Variants in TENM3 observed in about 807,000 individuals in gnomAD.
The protein encoded by TENM3 is teneurin-3.
A neutral mutation model predicts 255.1 loss-of-function variants in TENM3; 63 were observed. The ratio of observed to expected loss-of-function variants is 0.25; its 90% CI spans 0.20 to 0.30. The LOEUF (loss-of-function observed/expected upper bound fraction) is 0.30. Among genes scored for constraint, TENM3 ranks in the 10% least tolerant of loss-of-function variants. The probability of loss-of-function intolerance (pLI) is 1.00; values close to 1 mark genes in which losing one functional copy is unlikely to be tolerated. For missense variants in TENM3, 2,929 were observed against 3,461.1 expected (o/e 0.85, Z 3.86); for synonymous variants, 1,306 against 1,322.3 (o/e 0.99, Z 0.27).
the TENM3 span, among the ~76,000 whole-genome samples, chr4:181,641,576 A>ATATATG: frequency 1.2e-5 from 1 of 81,584 alleles, no homozygotes; most frequent in South Asian, 4.4e-4. Context: ...ATATATATAT[A>ATATATG]TATATATATA....
the TENM3 span, among the ~76,000 whole-genome samples, chr4:181,773,043 C>T: frequency 6.6e-6 from 1 of 152,172 alleles, no homozygotes; most frequent in Non-Finnish European, 1.5e-5. Flanking sequence ...TCTCTGAGTT[C>T]ATTTCCCTTG....
chr4:182,795,845 TAATA>T (rs1345236989), intron 26 of TENM3, among the ~76,000 whole-genome samples: 1 of 152,168 alleles, frequency 6.6e-6, no homozygotes, highest in Non-Finnish European at 1.5e-5. Flanking sequence ...GCAATGTGCT[TAATA>T]TATAAAATAA....
intron 6 of TENM3, among the ~76,000 whole-genome samples, chr4:182,663,240 G>A (rs926798618): frequency 2.0e-5 from 3 of 151,952 alleles, no homozygotes; most frequent in African/African-American, 7.3e-5. Flanking sequence ...TAGATCAGTG[G>A]GCTTCAAACT....
chr4:181,538,632 C>T, the TENM3 span, among the ~76,000 whole-genome samples: 1 of 152,126 alleles, frequency 6.6e-6, no homozygotes, highest in South Asian at 2.1e-4. Flanking sequence ...GTGTCCAGAA[C>T]TCCAGGAAGA....
intron 6 of TENM3, among the ~76,000 whole-genome samples, chr4:182,656,210 G>A (rs1176655341): frequency 2.0e-5 from 3 of 152,192 alleles, no homozygotes; most frequent in African/African-American, 4.8e-5. Flanking sequence ...AAGTGCACTA[G>A]AGAACTGCCA....
chr4:181,605,633 C>A, the TENM3 span, among the ~76,000 whole-genome samples: 1 of 151,102 alleles, frequency 6.6e-6, no homozygotes, highest in Non-Finnish European at 1.5e-5. Flanking sequence ...AACAAGCAAA[C>A]CAGCACCACA....
chr4:181,502,753 G>A, the TENM3 span, among the ~76,000 whole-genome samples: 2 of 152,086 alleles, frequency 1.3e-5, no homozygotes, highest in African/African-American at 2.4e-5. Context: ...GTCCCTGCTG[G>A]GGAGCAGTTA....
chr4:182,133,792 GAC>G, the TENM3 span, among the ~76,000 whole-genome samples: 2 of 152,142 alleles, frequency 1.3e-5, no homozygotes, highest in Non-Finnish European at 2.9e-5. Flanking sequence ...ATAATTCAAT[GAC>G]AGTTTTTTGC....
intron 3 of TENM3, among the ~76,000 whole-genome samples, chr4:182,475,945 C>T (rs1046817684): frequency 6.6e-6 from 1 of 152,208 alleles, no homozygotes; most frequent in Non-Finnish European, 1.5e-5. Context: ...GTTCCAGTCT[C>T]TCTCGTACAT....
the TENM3 span, among the ~76,000 whole-genome samples, chr4:181,459,049 T>A: frequency 6.6e-6 from 1 of 151,858 alleles, no homozygotes; most frequent in Non-Finnish European, 1.5e-5. Context: ...TGCGCCACAT[T>A]TTCACAAAAA....
intron 3 of TENM3, among the ~76,000 whole-genome samples, chr4:182,436,843 C>A (rs911159135): frequency 3.3e-5 from 5 of 152,010 alleles, no homozygotes; most frequent in Non-Finnish European, 5.9e-5. Context: ...CATGGTGAAA[C>A]CCCATCTCTA....
chr4:181,489,356 T>C, the TENM3 span, among the ~76,000 whole-genome samples: 1 of 152,214 alleles, frequency 6.6e-6, no homozygotes, highest in Non-Finnish European at 1.5e-5. Context: ...GATTGGACTT[T>C]TAAAAGTACG....
At position 182,710,808 on chromosome 4, in the gene TENM3, C is replaced by A. The variant is rs1758694340; in HGVS notation, c.2222-3279C>A. Among the ~76,000 whole-genome samples the A allele has an allele frequency of 1.3e-5, 2 of 152,196 alleles. 1 individual carries two copies. The highest frequency in any genetic ancestry group is 4.1e-4 in the South Asian group (2 of 4,834). On this transcript the variant is annotated intron_variant, in intron 12 of 27. Transcript: ENST00000511685. Reference sequence around the variant, plus strand: ...TGAGGCTGATTAAGATTTATTAGGTCTCCACATTGAAGGAGGCATTTATGT... The same window carrying A: ...TGAGGCTGATTAAGATTTATTAGGTATCCACATTGAAGGAGGCATTTATGT...
intron 1 of TENM3, among the ~76,000 whole-genome samples, chr4:182,287,031 A>T (rs942373917): frequency 1.3e-5 from 2 of 152,188 alleles, no homozygotes; most frequent in Non-Finnish European, 2.9e-5. Context: ...GTTCAAGACC[A>T]GCCTGAGTAA....
chr4:182,258,447 C>T (rs1335190063), intron 1 of TENM3, among the ~76,000 whole-genome samples: 3 of 152,278 alleles, frequency 2.0e-5, no homozygotes, highest in South Asian at 2.1e-4. Context: ...TACATACAAA[C>T]GCTCATTGCA....
chr4:182,182,268 C>T (rs1475153875), intron 1 of TENM3, among the ~76,000 whole-genome samples: 3 of 152,110 alleles, frequency 2.0e-5, no homozygotes, highest in Non-Finnish European at 4.4e-5. Context: ...AATAGAATTT[C>T]ATTCTGATTT....
At chr4:181,970,760 C>T in the TENM3 span, among the ~76,000 whole-genome samples, 2 of 152,158 alleles carry the variant, frequency 1.3e-5, no homozygotes, top group African/African-American at 4.8e-5. Context: ...AATGGTATGA[C>T]AGCAAGCCTT....
At chr4:182,556,418 G>A (rs1347280132) in intron 3 of TENM3, among the ~76,000 whole-genome samples, 1 of 152,108 alleles carries the variant, frequency 6.6e-6, no homozygotes, top group Non-Finnish European at 1.5e-5. Context: ...ATAGTTTATT[G>A]CATTACAAAC....
the TENM3 span, among the ~76,000 whole-genome samples, chr4:181,490,473 T>A: frequency 6.6e-6 from 1 of 151,964 alleles, no homozygotes; most frequent in East Asian, 1.9e-4. Context: ...AGTATCTGTT[T>A]TTTTTCTACT....
Sources: gnomAD v4.1 joint callset for allele counts (sites outside exome capture counted in the v4.1 genomes callset) on GRCh38, gnomAD v4.1.1 for gene constraint, MANE v1.5 for transcripts, NCBI Gene and HGNC (gene_info 2026-07-23, HGNC 2026-07-21) for gene names.